Variants in ZNF177 observed in about 807,000 individuals in gnomAD.
ZNF177 encodes the protein zinc finger protein 177.
ZNF177 carries 17 observed loss-of-function variants against 19.4 expected under a neutral mutation model. That is an observed-to-expected ratio of 0.87 (90% CI 0.60 to 1.31). ZNF177 has a LOEUF of 1.31. Ranked by LOEUF, ZNF177 falls within the 40% of genes most tolerant of loss-of-function variation. The pLI is 0.00. For missense variants in ZNF177, 633 were observed against 561.8 expected, an observed-to-expected ratio of 1.13 and a Z score of -1.28; for synonymous variants, 220 against 188.7, an observed-to-expected ratio of 1.17 and a Z score of -1.36.
exon 4 of ZNF177, chr19:9,379,562 G>A: frequency 1.2e-6 from 2 of 1,613,952 alleles, no homozygotes; most frequent in Middle Eastern, 1.7e-4. Flanking sequence ...GATCTCCAAG[G>A]TGGATCAAGA....
chr19:9,381,790 A>G (rs747227704), exon 6 of ZNF177: 1 of 1,578,220 alleles, frequency 6.3e-7, no homozygotes, highest in African/African-American at 1.4e-5. Flanking sequence ...TGACTCAGGG[A>G]AGTGTTTGTT....
At chr19:9,379,147 T>A in intron 3 of ZNF177, 59 bp downstream of exon 5, 2 of 1,531,836 alleles carry the variant, frequency 1.3e-6, no homozygotes, top group African/African-American at 2.7e-5. Context: ...AAGCACATAT[T>A]ATGTTCCAGA....
intron 2 of ZNF177, 84 bp downstream of exon 2, chr19:9,365,032 T>C (rs2067958372): frequency 6.6e-6 from 1 of 152,154 alleles, no homozygotes. Flanking sequence ...AATATGGAGC[T>C]GGAAGGCTCC....
chr19:9,367,969 A>C (rs2068001913), intron 2 of ZNF177, among the ~76,000 whole-genome samples: 1 of 152,222 alleles, frequency 6.6e-6, no homozygotes. Flanking sequence ...ATTGAAGTGT[A>C]GTTTAAGTAA....
chr19:9,380,159 A>G lies in ZNF177; in HGVS notation c.336+20A>G, dbSNP rs757143409. 6 of 1,589,920 alleles carry G rather than the reference A, an allele frequency of 3.8e-6. No individual in the cohort carries two copies. The highest frequency in any genetic ancestry group is 2.3e-5 in the East Asian group (1 of 44,004). On this transcript the variant is annotated intron_variant, in intron 5 of 5. Transcript: ENST00000589262. ...AACACGGTAAGACTTACTAGGAAGT[A>G]TTCCTGGTCTTTGTAGTAGAAGTCT...
At chr19:9,373,548 C>G (rs765212846), upstream of ZNF177, among the ~76,000 whole-genome samples, 4 of 152,060 alleles carry the variant, frequency 2.6e-5, no homozygotes, top group Non-Finnish European at 5.9e-5. Context: ...ATGGCTGTAC[C>G]AATTTTCACT....
chr19:9,379,325 A>C (rs572415200), intron 3 of ZNF177: 2 of 1,063,700 alleles, frequency 1.9e-6, no homozygotes, highest in South Asian at 3.6e-5. Context: ...ATAGGTTTCA[A>C]GGGTCACTTC....
chr19:9,379,111 ATTTG>A, intron 3 of ZNF177, 23 bp downstream of exon 5: 2 of 1,581,762 alleles, frequency 1.3e-6, no homozygotes, highest in Non-Finnish European at 1.7e-6. Context: ...TCATTTCTTC[ATTTG>A]TTTATGTAGC....
chr19:9,378,264 C>T, exon 2 of ZNF177: 1 of 1,611,802 alleles, frequency 6.2e-7, no homozygotes, highest in Non-Finnish European at 8.5e-7. Context: ...TCTAGCTCTG[C>T]CTGCTTAGGA....
At chr19:9,374,004 G>A (rs1222188907), upstream of ZNF177, among the ~76,000 whole-genome samples, 2 of 152,034 alleles carry the variant, frequency 1.3e-5, no homozygotes, top group East Asian at 3.8e-4. Flanking sequence ...ATATCAAAGA[G>A]CTTTTCCCCT....
intron 2 of ZNF177, among the ~76,000 whole-genome samples, chr19:9,367,660 T>C (rs1447880023): frequency 1.3e-5 from 2 of 152,248 alleles, no homozygotes; most frequent in African/African-American, 2.4e-5. Flanking sequence ...ATGTTTGATA[T>C]CAGTATGCCA....
At chr19:9,365,600 T>G (rs2067967723) in intron 2 of ZNF177, among the ~76,000 whole-genome samples, 1 of 152,120 alleles carries the variant, frequency 6.6e-6, no homozygotes, top group African/African-American at 2.4e-5. Context: ...CATCCCCACG[T>G]GGTCAGACAC....
chr19:9,366,851 C>T (rs747541576), intron 2 of ZNF177, among the ~76,000 whole-genome samples: 10 of 152,340 alleles, frequency 6.6e-5, no homozygotes, highest in Non-Finnish European at 1.5e-4. Context: ...TCCTCATCCA[C>T]ACTTGTCTTT....
intron 2 of ZNF177, among the ~76,000 whole-genome samples, chr19:9,366,815 C>CA (rs1167536300): frequency 5.9e-5 from 9 of 152,102 alleles, no homozygotes; most frequent in Non-Finnish European, 8.8e-5. Flanking sequence ...CTCCCCTCCA[C>CA]AAAAAAACAA....
upstream of ZNF177, among the ~76,000 whole-genome samples, chr19:9,372,931 C>G (rs899407767): frequency 6.6e-6 from 1 of 152,068 alleles, no homozygotes; most frequent in Admixed American, 6.6e-5. Context: ...TTAAGGTGTA[C>G]AACATAATGT....
intron 5 of ZNF177, 135 bp from the exon 8 acceptor site, chr19:9,380,533 C>T: frequency 5.3e-6 from 8 of 1,513,474 alleles, no homozygotes; most frequent in Non-Finnish European, 7.1e-6. Context: ...GTCATACGCA[C>T]CTACTGAAAA....
At position 9,379,542 on chromosome 19, in the gene ZNF177, GAC is replaced by G. The variant is rs766474013; in HGVS notation, c.180_181del (p.His60GlnfsTer15). On this transcript the variant is annotated frameshift_variant, in exon 4 of 6. Coordinates refer to ENST00000589262, the Ensembl canonical transcript of ZNF177. LOFTEE classifies it high-confidence loss of function. Reference sequence around the variant, plus strand: ...GCGTGAGCAGGGTATCAGCTCTGCAGACACAGTCTGATCTCCAAGGTGGATCA... The same window carrying G: ...GCGTGAGCAGGGTATCAGCTCTGCAGACAGTCTGATCTCCAAGGTGGATCA... The G allele has an allele frequency of 2.5e-6, 4 of 1,613,700 alleles. No individual in the cohort carries two copies. The highest frequency in any genetic ancestry group is 3.4e-6 in the Non-Finnish European group (4 of 1,179,894).
intron 2 of ZNF177, among the ~76,000 whole-genome samples, chr19:9,366,700 A>C (rs1259986303): frequency 6.6e-6 from 1 of 152,186 alleles, no homozygotes; most frequent in African/African-American, 2.4e-5. Context: ...TCTTGGGTAT[A>C]TACCTAGGAG....
intron 4 of ZNF177, 68 bp from the exon 7 acceptor site, chr19:9,379,989 C>CT: frequency 6.5e-7 from 1 of 1,545,354 alleles, no homozygotes; most frequent in South Asian, 1.2e-5. Flanking sequence ...TCCATAGGGT[C>CT]TCCCTCCCTT....
Sources: allele counts gnomAD v4.1 joint callset (sites outside exome capture counted in the v4.1 genomes callset), GRCh38; gene constraint gnomAD v4.1.1; transcripts MANE v1.5; gene names NCBI Gene and HGNC (gene_info 2026-07-23, HGNC 2026-07-21).